Variants in ZNF236 observed in about 807,000 individuals in gnomAD.
ZNF236 encodes zinc finger protein 236, also known as regulated by glucose.
A neutral mutation model predicts 191.2 loss-of-function variants in ZNF236; 50 were observed. The observed-to-expected ratio is 0.26, with a 90% CI of 0.21 to 0.33. ZNF236 has a LOEUF of 0.33. ZNF236 is among the 10% of genes least tolerant of loss of function. The probability of loss-of-function intolerance (pLI) is 1.00; values close to 1 mark genes in which losing one functional copy is unlikely to be tolerated. For synonymous variants in ZNF236, 907 were observed against 928.8 expected (o/e 0.98, Z 0.43); for missense variants, 1,754 against 2,374.5 (o/e 0.74, Z 5.43).
At chr18:76,882,741 A>G (rs1249387354) in intron 9 of ZNF236, among the ~76,000 whole-genome samples, 1 of 152,076 alleles carries the variant, frequency 6.6e-6, no homozygotes, top group Non-Finnish European at 1.5e-5. Context: ...TCTTCTCCCC[A>G]AGGAAAGACA....
intron 4 of ZNF236, among the ~76,000 whole-genome samples, chr18:76,870,512 T>C (rs1387177782): frequency 6.6e-6 from 1 of 152,190 alleles, no homozygotes; most frequent in Non-Finnish European, 1.5e-5. Flanking sequence ...AGACGAAGCC[T>C]CGCCCTCACA....
At chr18:76,894,947 G>A (rs565726188) in intron 9 of ZNF236, 66 bp from the exon 10 acceptor site, 2 of 1,573,204 alleles carry the variant, frequency 1.3e-6, no homozygotes, top group Admixed American at 1.7e-5. Flanking sequence ...GGGACCACAG[G>A]GGGTCCTGGA....
rs768631080 is a variant in ZNF236, at chr18:76,927,120, G to T, written c.4111G>T (p.Val1371Phe). ...GIQLQLAANL[V>F]GPNVQISGID... Reference sequence around the variant, plus strand: ...CCAGTTACAGTTGGCTGCTAACTTGGTTGGACCAAATGTACAGATTTCTGG... The same window carrying T: ...CCAGTTACAGTTGGCTGCTAACTTGTTTGGACCAAATGTACAGATTTCTGG... Residue 1371 changes from valine (V) to phenylalanine (F), a missense_variant, in exon 23 of 31, where the codon GTT becomes TTT. This residue lies in a region of ZNF236 where 606 missense variants were observed against 761.5 expected (regional missense o/e 0.80). Transcript: ENST00000320610. The surrounding 1 kb of genome is among the most constrained non-coding windows in gnomAD (Gnocchi z 5.4). The T allele has an allele frequency of 3.1e-5, 50 of 1,614,044 alleles. No individual in the cohort carries two copies. The highest frequency in any genetic ancestry group is 4.2e-5 in the Non-Finnish European group (49 of 1,180,010).
At chr18:76,910,321 T>TA (rs1967184878) in intron 15 of ZNF236, 152 bp downstream of exon 15, 1 of 673,498 alleles carries the variant, frequency 1.5e-6, no homozygotes, top group Admixed American at 3.1e-5. Flanking sequence ...GATTTTTTTT[T>TA]ATTGATGCAT....
chr18:76,938,524 T>C (rs943786443), intron 26 of ZNF236, among the ~76,000 whole-genome samples: 1 of 152,192 alleles, frequency 6.6e-6, no homozygotes, highest in African/African-American at 2.4e-5. Flanking sequence ...TACAACCACT[T>C]GCTGAAGAAA....
chr18:76,858,260 AAATTCC>A (rs1287630001), intron 3 of ZNF236, among the ~76,000 whole-genome samples: 1 of 152,242 alleles, frequency 6.6e-6, no homozygotes, highest in East Asian at 1.9e-4. Flanking sequence ...TTATTTTGAA[AAATTCC>A]AATCCTAAGT....
chr18:76,850,555 G>A (rs1975827394), intron 2 of ZNF236, among the ~76,000 whole-genome samples: 1 of 151,960 alleles, frequency 6.6e-6, no homozygotes, highest in Admixed American at 6.6e-5. Flanking sequence ...ACCTAGATAA[G>A]CAAACTCTGT....
intron 30 of ZNF236, among the ~76,000 whole-genome samples, chr18:76,965,193 C>T (rs1413404062): frequency 6.6e-6 from 1 of 152,094 alleles, no homozygotes; most frequent in African/African-American, 2.4e-5. Flanking sequence ...CTTTTCAGAG[C>T]ATTTTGCATT....
At chr18:76,937,087 C>G in intron 25 of ZNF236, 69 bp from the exon 26 acceptor site, 1 of 1,429,626 alleles carries the variant, frequency 7.0e-7, no homozygotes. Flanking sequence ...GAGCATCGCT[C>G]TCCCTATGCC....
In ZNF236 at chr18:76,947,656, C is replaced by G. The variant is rs752821675; in HGVS notation, c.4914+4C>G. 7 of 1,612,104 alleles carry G rather than the reference C, an allele frequency of 4.3e-6. No homozygotes were observed. The highest frequency in any genetic ancestry group is 5.1e-6 in the Non-Finnish European group (6 of 1,179,156). On this transcript the variant is annotated splice_donor_region_variant and intron_variant, in intron 27 of 30. Transcript: ENST00000320610. ...TTGTGAAGAAATAGCCTACCAGGTACAGGATATTCCTTCATTCACAGAGCT... is the reference window on the plus strand; with the variant it reads ...TTGTGAAGAAATAGCCTACCAGGTAGAGGATATTCCTTCATTCACAGAGCT...
chr18:76,913,067 A>T (rs1293688297), intron 17 of ZNF236, among the ~76,000 whole-genome samples: 1 of 152,266 alleles, frequency 6.6e-6, no homozygotes, highest in African/African-American at 2.4e-5. Flanking sequence ...GACTTAGGTT[A>T]TAGTGTAGGG....
At chr18:76,917,978 C>CA (rs1967418555) in intron 19 of ZNF236, among the ~76,000 whole-genome samples, 1 of 152,130 alleles carries the variant, frequency 6.6e-6, no homozygotes, top group Non-Finnish European at 1.5e-5. Flanking sequence ...CTTCCCTCCC[C>CA]AATCCCCTCC....
intron 1 of ZNF236, among the ~76,000 whole-genome samples, chr18:76,836,422 G>A (rs1975326797): frequency 1.3e-5 from 2 of 151,582 alleles, no homozygotes; most frequent in African/African-American, 4.9e-5. Flanking sequence ...ACAGGATCTT[G>A]CTATGTTGCC....
chr18:76,920,750 TG>T (rs1191279523), intron 20 of ZNF236, among the ~76,000 whole-genome samples: 3 of 152,166 alleles, frequency 2.0e-5, no homozygotes, highest in Admixed American at 2.0e-4. Flanking sequence ...CACAAGCGTG[TG>T]ACAGGAGGGA....
intron 9 of ZNF236, among the ~76,000 whole-genome samples, chr18:76,889,570 T>C (rs1418456178): frequency 6.6e-6 from 1 of 152,184 alleles, no homozygotes; most frequent in African/African-American, 2.4e-5. Flanking sequence ...TCAGTTAAGA[T>C]GTCAACTTCT....
intron 1 of ZNF236, 109 bp downstream of exon 1, chr18:76,822,771 G>GC (rs1320188197): frequency 6.9e-6 from 1 of 145,224 alleles, no homozygotes; most frequent in Non-Finnish European, 1.5e-5. Flanking sequence ...CGGGGCGGGG[G>GC]CGGGGGCCGC....
chr18:76,873,585 T>A (rs1422602460), intron 5 of ZNF236, among the ~76,000 whole-genome samples: 1 of 152,178 alleles, frequency 6.6e-6, no homozygotes, highest in Non-Finnish European at 1.5e-5. Context: ...GGGCTTGGTC[T>A]TCCAATAGCT....
chr18:76,900,998 C>T (rs556293116), intron 11 of ZNF236, among the ~76,000 whole-genome samples: 3 of 152,310 alleles, frequency 2.0e-5, no homozygotes, highest in Admixed American at 1.3e-4. Flanking sequence ...AGGGTTCGCA[C>T]TCCTGTGAGA....
chr18:76,936,315 C>T (rs1467903673), intron 25 of ZNF236: 1 of 456,452 alleles, frequency 2.2e-6, no homozygotes, highest in South Asian at 1.6e-5. Flanking sequence ...AGTGAGTGTG[C>T]GTGTGTGTGC....
Sources: gnomAD v4.1 joint callset for allele counts (sites outside exome capture counted in the v4.1 genomes callset) on GRCh38, gnomAD v4.1.1 for gene constraint, gnomAD v4.1.1 regional missense constraint, Gnocchi (gnomAD v3.1) non-coding constraint, MANE v1.5 for transcripts, NCBI Gene and HGNC (gene_info 2026-07-23, HGNC 2026-07-21) for gene names.